Variants in SOX13 observed in about 807,000 individuals in gnomAD.
The protein encoded by SOX13 is transcription factor SOX-13.
SOX13 carries 28 observed loss-of-function variants against 71.8 expected under a neutral mutation model. That is an observed-to-expected ratio of 0.39 (90% CI 0.29 to 0.53). The LOEUF is 0.53. Ranked by LOEUF, SOX13 falls within the 20% of genes least tolerant of loss-of-function variation. SOX13 has a pLI of 0.70. For missense variants in SOX13, 627 were observed against 810.3 expected (o/e 0.77, Z 2.75); for synonymous variants, 309 against 317.8 (o/e 0.97, Z 0.29).
At chr1:204,105,672 C>G (rs1371179986) in intron 1 of SOX13, among the ~76,000 whole-genome samples, 1 of 152,156 alleles carries the variant, frequency 6.6e-6, no homozygotes, top group African/African-American at 2.4e-5. Flanking sequence ...TCCCAAAGTG[C>G]TGGGATTACA....
intron 1 of SOX13, among the ~76,000 whole-genome samples, chr1:204,108,415 A>G (rs1367457404): frequency 6.6e-6 from 1 of 152,200 alleles, no homozygotes; most frequent in Non-Finnish European, 1.5e-5. Context: ...AGGGTTAATT[A>G]GGACAGATGA....
intron 1 of SOX13, among the ~76,000 whole-genome samples, chr1:204,101,259 A>G (rs1656354390): frequency 2.0e-5 from 3 of 152,106 alleles, no homozygotes; most frequent in Admixed American, 2.0e-4. Flanking sequence ...GGAAGGGGAG[A>G]GAAACCTTTC....
intron 1 of SOX13, among the ~76,000 whole-genome samples, chr1:204,105,413 C>CTTTTTTTTTTTTTTTTTTT (rs35841451): frequency 4.3e-5 from 6 of 137,964 alleles, no homozygotes; most frequent in African/African-American, 1.5e-4. Flanking sequence ...TGTATAATCT[C>CTTTTTTTTTTTTTTTTTTT]TTTTTTTTTT....
chr1:204,117,630 C>T lies in SOX13; in HGVS notation c.698C>T (p.Pro233Leu). Residue 233 changes from proline (P) to leucine (L), a missense_variant, in exon 7 of 14, where the codon CCC (proline) becomes CTC (leucine). Coordinates refer to ENST00000367204, the MANE Select transcript of SOX13 (RefSeq NM_005686.3). ...NMPYVMIPAF[P>L]PSHQPLPVTP... Reference sequence around the variant, plus strand: ...CCTTATGTCATGATCCCAGCCTTCCCCCCAAGCCACCAACCTCTGCCTGTC... The same window carrying T: ...CCTTATGTCATGATCCCAGCCTTCCTCCCAAGCCACCAACCTCTGCCTGTC... 1 of 1,613,646 alleles carries T rather than the reference C, an allele frequency of 6.2e-7. No homozygotes were observed. Among genetic ancestry groups the T allele is most frequent in the Non-Finnish European group, 8.5e-7 (1 of 1,179,776 alleles).
intron 1 of SOX13, among the ~76,000 whole-genome samples, chr1:204,111,934 A>G (rs546536688): frequency 1.6e-4 from 24 of 152,344 alleles, no homozygotes; most frequent in Admixed American, 8.5e-4. Flanking sequence ...TGTCTTATAT[A>G]TAGAAGAATA....
chr1:204,084,622 C>T (rs1055830181), intron 1 of SOX13, among the ~76,000 whole-genome samples: 9 of 152,036 alleles, frequency 5.9e-5, no homozygotes, highest in East Asian at 1.9e-4. Flanking sequence ...AGGCAGGAGG[C>T]GAGAACAGGT....
chr1:204,091,584 A>G (rs1656145073), intron 1 of SOX13, among the ~76,000 whole-genome samples: 1 of 152,170 alleles, frequency 6.6e-6, no homozygotes, highest in African/African-American at 2.4e-5. Context: ...CATTGTGGGA[A>G]CAAAGCCTCT....
At chr1:204,083,558 A>G (rs1047598523) in intron 1 of SOX13, among the ~76,000 whole-genome samples, 3 of 152,102 alleles carry the variant, frequency 2.0e-5, no homozygotes, top group African/African-American at 7.2e-5. Context: ...AGCTTTACCA[A>G]TCTAGGTGTG....
intron 1 of SOX13, among the ~76,000 whole-genome samples, chr1:204,108,039 C>T (rs532090312): frequency 1.3e-5 from 2 of 152,042 alleles, no homozygotes; most frequent in Non-Finnish European, 2.9e-5. Flanking sequence ...CTGGAGGGAC[C>T]GTGGAGGCTA....
chr1:204,090,970 T>C (rs529291170), intron 1 of SOX13, among the ~76,000 whole-genome samples: 7 of 152,278 alleles, frequency 4.6e-5, no homozygotes, highest in South Asian at 2.1e-4. Flanking sequence ...AGAAGGAACC[T>C]TGGACACGGG....
At chr1:204,084,989 A>C (rs1422429701) in intron 1 of SOX13, among the ~76,000 whole-genome samples, 1 of 152,194 alleles carries the variant, frequency 6.6e-6, no homozygotes, top group Non-Finnish European at 1.5e-5. Flanking sequence ...TGGGAAAAGC[A>C]TCTGGAGATT....
intron 1 of SOX13, among the ~76,000 whole-genome samples, chr1:204,105,737 C>T (rs4951043): frequency 0.51 from 77,265 of 151,922 alleles, 20,119 homozygotes; most frequent in Middle Eastern, 0.65. Flanking sequence ...CCAAAAGCTG[C>T]GTGAACTCAA....
chr1:204,082,588 A>C (rs1411129042), intron 1 of SOX13, among the ~76,000 whole-genome samples: 1 of 152,118 alleles, frequency 6.6e-6, no homozygotes, highest in Non-Finnish European at 1.5e-5. Context: ...GGGAGCACTT[A>C]ATATGGGAGT....
intron 1 of SOX13, among the ~76,000 whole-genome samples, chr1:204,109,655 T>A (rs1340497827): frequency 1.3e-5 from 2 of 152,140 alleles, no homozygotes; most frequent in African/African-American, 2.4e-5. Context: ...TATTAATTGA[T>A]GTAGGACTGT....
Position 204,126,194 on chromosome 1 carries a change from G to A in SOX13, c.*60G>A. 2 of 1,555,104 alleles carry A rather than the reference G, an allele frequency of 1.3e-6. No individual in the cohort carries two copies. The highest frequency in any genetic ancestry group is 1.8e-6 in the Non-Finnish European group (2 of 1,140,374). On this transcript the variant is annotated 3_prime_UTR_variant, in exon 14 of 14. Transcript: ENST00000367204. ...GGGAAGACCTTGTCCCAACTCGATG[G>A]GCACAGCCAGCCAACCTAAGACTAT...
chr1:204,109,188 T>C (rs1235409233), intron 1 of SOX13, among the ~76,000 whole-genome samples: 1 of 152,180 alleles, frequency 6.6e-6, no homozygotes, highest in African/African-American at 2.4e-5. Context: ...GTACTTATGG[T>C]CATGGAGGCC....
chr1:204,108,804 C>CT (rs1656520077), intron 1 of SOX13, among the ~76,000 whole-genome samples: 1 of 152,234 alleles, frequency 6.6e-6, no homozygotes, highest in South Asian at 2.1e-4. Flanking sequence ...GTCTGGCTTC[C>CT]TTTTGTCCCC....
intron 1 of SOX13, among the ~76,000 whole-genome samples, chr1:204,104,710 G>A (rs552655722): frequency 6.6e-6 from 1 of 152,350 alleles, no homozygotes; most frequent in African/African-American, 2.4e-5. Flanking sequence ...TGCCCAGCGG[G>A]GAAGTGTAGC....
At chr1:204,100,949 C>T (rs556672565) in intron 1 of SOX13, among the ~76,000 whole-genome samples, 119 of 152,354 alleles carry the variant, frequency 7.8e-4, no homozygotes, top group African/African-American at 2.7e-3. Flanking sequence ...CTGCTGCTCA[C>T]CTCCTCAAGG....
Sources: allele counts gnomAD v4.1 joint callset (sites outside exome capture counted in the v4.1 genomes callset), GRCh38; gene constraint gnomAD v4.1.1; transcripts MANE v1.5; gene names NCBI Gene and HGNC (gene_info 2026-07-23, HGNC 2026-07-21).